Variants in CNIH3 observed in about 807,000 individuals in gnomAD.
CNIH3 encodes the protein cornichon family AMPA receptor auxiliary protein 3.
Under a neutral mutation model 24.1 loss-of-function variants are expected in CNIH3, and 14 were observed. The observed-to-expected ratio is 0.58, with a 90% CI of 0.38 to 0.91. The LOEUF is 0.91. Among genes scored for constraint, CNIH3 ranks in the 40% least tolerant of loss-of-function variants. The pLI is 0.00. For synonymous variants in CNIH3, 68 were observed against 73.8 expected (o/e 0.92, Z 0.40); for missense variants, 178 against 196.8 (o/e 0.90, Z 0.57).
intron 1 of CNIH3, among the ~76,000 whole-genome samples, chr1:224,501,525 ATT>A (rs199941125): frequency 0.011 from 977 of 92,768 alleles, 3 homozygotes; most frequent in East Asian, 0.022. Flanking sequence ...ATATATATAT[ATT>A]TTTTTTTTTT....
chr1:224,548,179 G>A (rs745725325), intron 3 of CNIH3, among the ~76,000 whole-genome samples: 1 of 151,760 alleles, frequency 6.6e-6, no homozygotes, highest in Non-Finnish European at 1.5e-5. Context: ...AATATCTAAG[G>A]GATACATTAC....
intron 3 of CNIH3, among the ~76,000 whole-genome samples, chr1:224,598,935 G>A (rs1014985889): frequency 6.6e-6 from 1 of 152,080 alleles, no homozygotes; most frequent in Non-Finnish European, 1.5e-5. Flanking sequence ...AGGTGTACCT[G>A]TATAAACATA....
chr1:224,616,405 G>A lies in CNIH3; in HGVS notation c.-770G>A. ...GTTTGGCCTGAAACCCACTGCTGCA[G>A]CCACCCGGGCTGGAGTTGGCCCGTT... On this transcript the variant is annotated 5_prime_UTR_variant, in exon 1 of 6. Transcript: ENST00000272133. 1 of 940,388 alleles carries A rather than the reference G, an allele frequency of 1.1e-6. No individual in the cohort carries two copies. Among genetic ancestry groups the A allele is most frequent in the South Asian group, 4.0e-5 (1 of 24,836 alleles). 58.3% of individuals were successfully genotyped at this position (940,388 alleles called of 1,614,324 possible). A position where few individuals can be genotyped will look rare whatever the true frequency, so the allele number is the denominator to read the frequency against.
intron 1 of CNIH3, among the ~76,000 whole-genome samples, chr1:224,649,758 C>T (rs532969877): frequency 2.9e-4 from 44 of 152,190 alleles, no homozygotes; most frequent in Admixed American, 7.2e-4. Context: ...CCACCAAATG[C>T]AGGGTCTGCC....
At chr1:224,663,784 C>A (rs1685472603) in intron 1 of CNIH3, among the ~76,000 whole-genome samples, 1 of 152,146 alleles carries the variant, frequency 6.6e-6, no homozygotes, top group African/African-American at 2.4e-5. Context: ...CATAGGCAAT[C>A]AGAAATGCAG....
chr1:224,725,713 C>G (rs1009243214), intron 3 of CNIH3, among the ~76,000 whole-genome samples: 2 of 152,226 alleles, frequency 1.3e-5, no homozygotes, highest in African/African-American at 4.8e-5. Context: ...TCTCCAACAA[C>G]AGGGGCGCTT....
chr1:224,668,278 T>C (rs1212121234), intron 1 of CNIH3, among the ~76,000 whole-genome samples: 2 of 152,226 alleles, frequency 1.3e-5, no homozygotes, highest in Admixed American at 1.3e-4. Context: ...ACTGCGTTCC[T>C]TTATACATAT....
intron 3 of CNIH3, among the ~76,000 whole-genome samples, chr1:224,715,102 C>T (rs895603504): frequency 6.6e-6 from 1 of 152,186 alleles, no homozygotes; most frequent in African/African-American, 2.4e-5. Context: ...CTGCTTTCCA[C>T]GGCCACACTT....
At chr1:224,456,005 T>G (rs1001323287) in intron 1 of CNIH3, among the ~76,000 whole-genome samples, 1 of 152,208 alleles carries the variant, frequency 6.6e-6, no homozygotes, top group Non-Finnish European at 1.5e-5. Flanking sequence ...TATATAGCAT[T>G]TAAAGTGTAT....
intron 1 of CNIH3, among the ~76,000 whole-genome samples, chr1:224,617,537 C>T (rs893747059): frequency 1.3e-5 from 2 of 152,206 alleles, no homozygotes; most frequent in Non-Finnish European, 2.9e-5. Context: ...GCTACAACCA[C>T]AACTAACCCC....
chr1:224,450,360 A>G (rs1675343102), intron 1 of CNIH3, among the ~76,000 whole-genome samples: 1 of 152,216 alleles, frequency 6.6e-6, no homozygotes, highest in African/African-American at 2.4e-5. Flanking sequence ...AGAGAATTAA[A>G]GAAGGACCAC....
At chr1:224,538,598 A>G (rs1679384386), downstream of CNIH3, among the ~76,000 whole-genome samples, 1 of 151,476 alleles carries the variant, frequency 6.6e-6, no homozygotes, top group Admixed American at 6.6e-5. Flanking sequence ...CCTCTTTACT[A>G]CATCTTGGAC....
chr1:224,598,709 T>C (rs570436747), intron 3 of CNIH3, among the ~76,000 whole-genome samples: 1 of 152,360 alleles, frequency 6.6e-6, no homozygotes, highest in South Asian at 2.1e-4. Context: ...GCAAAAAGAT[T>C]AAGACTTGCT....
intron 3 of CNIH3, among the ~76,000 whole-genome samples, chr1:224,699,559 G>A (rs1687369624): frequency 3.3e-5 from 5 of 152,156 alleles, no homozygotes; most frequent in Admixed American, 6.5e-5. Flanking sequence ...CTGTCTCCAC[G>A]TGATCATTCC....
chr1:224,514,757 G>C (rs1318264248), upstream of CNIH3, among the ~76,000 whole-genome samples: 14 of 152,192 alleles, frequency 9.2e-5, no homozygotes, highest in Non-Finnish European at 2.9e-5. Context: ...CCTGAGCCCA[G>C]GGAGGTTGAG....
chr1:224,518,620 G>A (rs1410258163), intron 1 of CNIH3, among the ~76,000 whole-genome samples: 1 of 152,092 alleles, frequency 6.6e-6, no homozygotes, highest in African/African-American at 2.4e-5. Context: ...GTGAGCCATG[G>A]CATTGAGGCT....
Position 224,705,227 on chromosome 1 carries a change from G to A in CNIH3, c.198+20384G>A, listed in dbSNP as rs910863655. 2.0e-5 allele frequency among the ~76,000 whole-genome samples: 3 copies of A among 152,306 alleles called. No homozygotes were observed. The South Asian group carries it at 6.2e-4, about 32-fold the overall frequency. On this transcript the variant is annotated intron_variant, in intron 3 of 5. Transcript: ENST00000272133. ...TTTTTTCATGACACTGACCTCTTCT[G>A]AAGAGTGCCGAATGCAGGTAGTTTT... is the stretch of plus-strand genomic sequence containing the variant.
chr1:224,550,054 T>G (rs1442147328), intron 3 of CNIH3, among the ~76,000 whole-genome samples: 2 of 152,158 alleles, frequency 1.3e-5, no homozygotes, highest in Admixed American at 1.3e-4. Context: ...GATATTTCTA[T>G]AATATCTACA....
chr1:224,556,193 T>C (rs1490784132), intron 3 of CNIH3, among the ~76,000 whole-genome samples: 1 of 150,502 alleles, frequency 6.6e-6, no homozygotes, highest in Non-Finnish European at 1.5e-5. Flanking sequence ...TTTTTTTTTT[T>C]ATCACTTGTT....
Sources: gnomAD v4.1 joint callset for allele counts (sites outside exome capture counted in the v4.1 genomes callset) on GRCh38, gnomAD v4.1.1 for gene constraint, MANE v1.5 for transcripts, NCBI Gene and HGNC (gene_info 2026-07-23, HGNC 2026-07-21) for gene names.